Variants in RALYL observed in about 807,000 individuals in gnomAD.
RALYL encodes RALY RNA binding protein like.
A neutral mutation model predicts 35.1 loss-of-function variants in RALYL; 29 were observed. The ratio of observed to expected loss-of-function variants is 0.83; its 90% confidence interval spans 0.61 to 1.13. The LOEUF is 1.13. RALYL is among the 50% of genes most tolerant of loss of function. The pLI is 0.00. For synonymous variants in RALYL, 120 were observed against 127.6 expected, an observed-to-expected ratio of 0.94 and a Z score of 0.40; for missense variants, 359 against 360.4, an observed-to-expected ratio of 1.00 and a Z score of 0.03.
chr8:84,446,801 A>C (rs902714077), intron 1 of RALYL, among the ~76,000 whole-genome samples: 1 of 152,088 alleles, frequency 6.6e-6, no homozygotes, highest in Non-Finnish European at 1.5e-5. Flanking sequence ...GGGCATTCCC[A>C]TTCCCCACTT....
intron 1 of RALYL, among the ~76,000 whole-genome samples, chr8:84,237,934 A>T (rs995893569): frequency 1.8e-4 from 27 of 152,074 alleles, no homozygotes; most frequent in African/African-American, 6.0e-4. Context: ...GATTTTTTTT[A>T]AAATGAAAGT....
intron 1 of RALYL, among the ~76,000 whole-genome samples, chr8:84,483,147 A>G (rs779701125): frequency 4.6e-5 from 7 of 152,156 alleles, no homozygotes; most frequent in Non-Finnish European, 1.0e-4. Flanking sequence ...TTTAAAATAG[A>G]GATAACATTG....
At chr8:84,700,853 T>C (rs920124934) in intron 2 of RALYL, among the ~76,000 whole-genome samples, 1 of 152,186 alleles carries the variant, frequency 6.6e-6, no homozygotes, top group Admixed American at 6.5e-5. Context: ...CAGATATATA[T>C]TTGTTTAATT....
At chr8:84,515,671 A>G (rs974569666) in intron 1 of RALYL, among the ~76,000 whole-genome samples, 18 of 152,154 alleles carry the variant, frequency 1.2e-4, no homozygotes, top group African/African-American at 3.9e-4. Context: ...GCCAGAAAGG[A>G]CAGTGATTAC....
chr8:84,244,444 T>C (rs764544311), intron 1 of RALYL, among the ~76,000 whole-genome samples: 8 of 152,234 alleles, frequency 5.3e-5, no homozygotes, highest in Admixed American at 1.3e-4. Context: ...CCAAAGTTTC[T>C]GAACAACCTG....
At position 84,614,557 on chromosome 8, in the gene RALYL, T is replaced by C. The variant is rs184957054; in HGVS notation, c.256+84980T>C. Among the ~76,000 whole-genome samples the C allele has an allele frequency of 6.9e-4, 105 of 151,768 alleles. 2 individuals carry two copies. The highest frequency in any genetic ancestry group is 3.4e-3 in the Middle Eastern group (1 of 294). Reference sequence around the variant, plus strand: ...ACTTACTTGTGGAATATTGTATAGATTCTCAGGTATTTAAGGCTGGAAAGA... The same window carrying C: ...ACTTACTTGTGGAATATTGTATAGACTCTCAGGTATTTAAGGCTGGAAAGA... On this transcript the variant is annotated intron_variant, in intron 2 of 8. Transcript: ENST00000521268.
intron 1 of RALYL, among the ~76,000 whole-genome samples, chr8:84,381,099 A>G (rs1563822219): frequency 6.6e-6 from 1 of 151,844 alleles, no homozygotes; most frequent in Admixed American, 6.6e-5. Flanking sequence ...AGCCAGGGAA[A>G]CTCTCAGTGA....
intron 1 of RALYL, among the ~76,000 whole-genome samples, chr8:84,380,215 C>CA (rs1456303878): frequency 3.3e-5 from 5 of 151,814 alleles, no homozygotes; most frequent in African/African-American, 1.2e-4. Context: ...TATTCATCTG[C>CA]AAAATGGGGA....
intron 1 of RALYL, among the ~76,000 whole-genome samples, chr8:84,209,676 A>C (rs1477455183): frequency 6.6e-6 from 1 of 152,144 alleles, no homozygotes; most frequent in Admixed American, 6.6e-5. Context: ...TGGAGCTGGA[A>C]ATCTATGTGT....
At position 84,755,481 on chromosome 8, in the gene RALYL, A is replaced by G. The variant is rs564587620; in HGVS notation, c.257-19098A>G. ...TGTACCCACATATTCAACAAACTCT[A>G]TAACCATAAATAAACTGGACTTCAG... On this transcript the variant is annotated intron_variant, in intron 2 of 8. Transcript: ENST00000521268. 2.0e-5 allele frequency among the ~76,000 whole-genome samples: 3 copies of G among 152,286 alleles called. 1 individual carries two copies. In the South Asian group the frequency reaches 6.2e-4, roughly 32 times the overall value.
intron 1 of RALYL, among the ~76,000 whole-genome samples, chr8:84,379,706 T>A (rs556439415): frequency 2.0e-5 from 3 of 151,242 alleles, no homozygotes; most frequent in African/African-American, 7.3e-5. Flanking sequence ...AGAGATAAAA[T>A]GTAAAAGCAT....
chr8:84,549,361 T>C (rs542445631), intron 2 of RALYL, among the ~76,000 whole-genome samples: 21 of 152,104 alleles, frequency 1.4e-4, no homozygotes, highest in African/African-American at 4.8e-4. Context: ...TCCCCATGGA[T>C]TGGTGTGATG....
At chr8:84,235,914 G>A (rs573734861) in intron 1 of RALYL, among the ~76,000 whole-genome samples, 2 of 151,590 alleles carry the variant, frequency 1.3e-5, no homozygotes, top group East Asian at 1.9e-4. Flanking sequence ...TTATAGGCAC[G>A]TGCCACCACA....
At chr8:84,772,872 G>T (rs972497463) in intron 2 of RALYL, among the ~76,000 whole-genome samples, 7 of 152,020 alleles carry the variant, frequency 4.6e-5, no homozygotes, top group Non-Finnish European at 1.0e-4. Context: ...TTAATATAGT[G>T]GGTGTCCTTT....
intron 1 of RALYL, among the ~76,000 whole-genome samples, chr8:84,524,612 CA>C (rs1481539038): frequency 1.3e-5 from 2 of 151,828 alleles, no homozygotes. Context: ...TTGTCTGCTC[CA>C]AAAAAATATT....
intron 1 of RALYL, among the ~76,000 whole-genome samples, chr8:84,343,066 T>C (rs1849160192): frequency 6.6e-6 from 1 of 152,152 alleles, no homozygotes; most frequent in Non-Finnish European, 1.5e-5. Context: ...TTAACAGCTG[T>C]GATTCTTGCT....
Position 84,699,293 on chromosome 8 carries a change from A to AT in RALYL, c.257-75280dup, listed in dbSNP as rs772288077. ...AAAAGTTGTGAGCTGCTGAGGAAGT[A>AT]TTTTTTATAAGTAAAAGATCTCTAG... On this transcript the variant is annotated intron_variant, in intron 2 of 8. Transcript: ENST00000521268. Among the ~76,000 whole-genome samples, 13 of 152,170 alleles carry AT rather than the reference A, an allele frequency of 8.5e-5. No individual in the cohort carries two copies. In the South Asian group the frequency reaches 1.2e-3, roughly 15 times the overall value.
Position 84,740,661 on chromosome 8 carries a change from G to T in RALYL, c.257-33918G>T, listed in dbSNP as rs185985004. Among the ~76,000 whole-genome samples the T allele has an allele frequency of 3.7e-3, 559 of 152,066 alleles. 5 individuals are homozygous for T. The highest frequency in any genetic ancestry group is 0.013 in the African/African-American group (519 of 41,500). ...TAACTGAAACTTGATACCTATTTAT[G>T]TCTATAACACATTTATATACTCCTG... On this transcript the variant is annotated intron_variant, in intron 2 of 8. Coordinates refer to ENST00000521268, the MANE Select transcript of RALYL (RefSeq NM_173848.7).
At chr8:84,511,407 ATTCTCTTATT>A (rs1316006029) in intron 1 of RALYL, among the ~76,000 whole-genome samples, 1 of 152,162 alleles carries the variant, frequency 6.6e-6, no homozygotes, top group African/African-American at 2.4e-5. Flanking sequence ...AAGTGTTAGA[ATTCTCTTATT>A]TTTTATTTAT....
Sources: allele counts gnomAD v4.1 joint callset (sites outside exome capture counted in the v4.1 genomes callset), GRCh38; gene constraint gnomAD v4.1.1; transcripts MANE v1.5; gene names NCBI Gene and HGNC (gene_info 2026-07-23, HGNC 2026-07-21).